Variants in CARM1 observed in about 807,000 individuals in gnomAD.
The protein encoded by CARM1 is coactivator associated arginine methyltransferase 1, also known as histone-arginine methyltransferase CARM1.
A neutral mutation model predicts 72.7 loss-of-function variants in CARM1; 14 were observed. The observed-to-expected ratio is 0.19, with a 90% CI of 0.13 to 0.30. The LOEUF (loss-of-function observed/expected upper bound fraction) is 0.30, where lower values mean the gene tolerates loss of function less well. Ranked by LOEUF, CARM1 falls within the 10% of genes least tolerant of loss-of-function variation. CARM1 has a pLI of 1.00. For missense variants in CARM1, 432 were observed against 833.7 expected, an observed-to-expected ratio of 0.52 and a Z score of 5.93; for synonymous variants, 333 against 345.5, an observed-to-expected ratio of 0.96 and a Z score of 0.40.
chr19:10,894,418 T>C (rs971336461), intron 1 of CARM1, among the ~76,000 whole-genome samples: 2 of 151,614 alleles, frequency 1.3e-5, no homozygotes, highest in Non-Finnish European at 2.9e-5. Context: ...GGGGTCGGGG[T>C]GTCTCCCTCT....
chr19:10,922,227 C>A lies in CARM1; in HGVS notation c.*470C>A, dbSNP rs1023572684. The A allele has an allele frequency of 6.5e-6, 1 of 152,908 alleles. No individual in the cohort carries two copies. Among genetic ancestry groups the A allele is most frequent in the Admixed American group, 6.5e-5 (1 of 15,282 alleles). 9.5% of individuals were successfully genotyped at this position (152,908 alleles called of 1,614,324 possible). ...TAATTTTATTTTTTTATGAAAAGAACCAGTGTCAATCCGCAGACCCTCTGT... is the reference window on the plus strand; with the variant it reads ...TAATTTTATTTTTTTATGAAAAGAAACAGTGTCAATCCGCAGACCCTCTGT... On this transcript the variant is annotated 3_prime_UTR_variant, in exon 16 of 16. Coordinates refer to ENST00000327064, the MANE Select transcript of CARM1 (RefSeq NM_199141.2).
chr19:10,897,125 C>T (rs961672442), intron 1 of CARM1, among the ~76,000 whole-genome samples: 2 of 152,314 alleles, frequency 1.3e-5, no homozygotes, highest in South Asian at 4.1e-4. Context: ...CTCTAGGAAG[C>T]GCAGAGACAT....
rs1339535965 is a variant in CARM1 at position 10,915,114 on chromosome 19, C to T, written c.847+1060C>T. Among the ~76,000 whole-genome samples the T allele has an allele frequency of 2.0e-5, 3 of 152,152 alleles. No homozygotes were observed. Among genetic ancestry groups the T allele is most frequent in the African/African-American group, 7.2e-5 (3 of 41,446 alleles). On this transcript the variant is annotated intron_variant, in intron 6 of 15. Coordinates refer to ENST00000327064, the MANE Select transcript of CARM1 (RefSeq NM_199141.2). The surrounding 1 kb of genome is among the most constrained non-coding windows in gnomAD (Gnocchi z 4.6). Reference sequence around the variant, plus strand: ...GAAGCTTCCACTCTCATCTCTGGCCCGCCCTGGATCCAGGCCCTAGGGTCC... The same window carrying T: ...GAAGCTTCCACTCTCATCTCTGGCCTGCCCTGGATCCAGGCCCTAGGGTCC...
At chr19:10,913,079 G>A (rs555330154) in intron 5 of CARM1, among the ~76,000 whole-genome samples, 27 of 152,136 alleles carry the variant, frequency 1.8e-4, no homozygotes, top group African/African-American at 6.0e-4. Context: ...AGCAGGGGAC[G>A]GCCCTGAGGC....
At chr19:10,893,783 G>C (rs746538765) in intron 1 of CARM1, among the ~76,000 whole-genome samples, 1 of 152,200 alleles carries the variant, frequency 6.6e-6, no homozygotes, top group Non-Finnish European at 1.5e-5. Flanking sequence ...CGGGCTGTCA[G>C]GCCCTCCACG....
At chr19:10,901,042 C>T (rs1465167267) in intron 1 of CARM1, among the ~76,000 whole-genome samples, 9 of 149,114 alleles carry the variant, frequency 6.0e-5, no homozygotes, top group Admixed American at 2.0e-4. Context: ...AGTGCAGTGG[C>T]GCTATCTCAG....
intron 1 of CARM1, among the ~76,000 whole-genome samples, chr19:10,898,993 C>T (rs1338629642): frequency 1.4e-5 from 2 of 144,708 alleles, no homozygotes; most frequent in Non-Finnish European, 1.5e-5. Flanking sequence ...CTCAGAGGCT[C>T]GGGAGTCTCC....
intron 1 of CARM1, among the ~76,000 whole-genome samples, chr19:10,880,564 G>A (rs996509791): frequency 2.0e-5 from 3 of 146,578 alleles, no homozygotes; most frequent in African/African-American, 7.6e-5. Flanking sequence ...ATGTTGCTCA[G>A]GCGGATGTGG....
rs184084488 is a variant in CARM1, at chr19:10,922,001, G to A, written c.*244G>A. On this transcript the variant is annotated 3_prime_UTR_variant, in exon 16 of 16. Transcript: ENST00000327064. The stretch of plus-strand genomic sequence containing the variant: ...ACAAAATCATGTTGTGGGAGCCCTC[G>A]TCCCCCCTCCTGCCCGCTCTACCCT... The A allele has an allele frequency of 1.5e-3, 661 of 427,866 alleles. 5 individuals carry two copies. The highest frequency in any genetic ancestry group is 0.014 in the East Asian group (330 of 23,230). 26.5% of individuals were successfully genotyped at this position (427,866 alleles called of 1,614,324 possible). A position where few individuals can be genotyped will look rare whatever the true frequency, so the allele number is the denominator to read the frequency against.
At position 10,915,527 on chromosome 19, in the gene CARM1, C is replaced by T. The variant is rs1366009508; in HGVS notation, c.848-880C>T. Among the ~76,000 whole-genome samples, 2 of 152,126 alleles carry T rather than the reference C, an allele frequency of 1.3e-5. No individual in the cohort carries two copies. Among genetic ancestry groups the T allele is most frequent in the African/African-American group, 4.8e-5 (2 of 41,428 alleles). On this transcript the variant is annotated intron_variant, in intron 6 of 15. Transcript: ENST00000327064. The surrounding 1 kb of genome is among the most constrained non-coding windows in gnomAD (Gnocchi z 4.6). ...GCAGGAGCCAGAGGTTCCTTCCAGG[C>T]TGGGTCACTTCCCATGGTGCCCCCA...
chr19:10,890,793 ATATTTTTTTT>A (rs1212151816), intron 1 of CARM1, among the ~76,000 whole-genome samples: 3 of 83,812 alleles, frequency 3.6e-5, no homozygotes, highest in Non-Finnish European at 6.2e-5. Context: ...ATATATATAT[ATATTTTTTTT>A]TTTTTTTTTT....
chr19:10,908,615 A>C (rs1380413398), intron 3 of CARM1: 1 of 190,296 alleles, frequency 5.3e-6, no homozygotes, highest in East Asian at 1.6e-4. Flanking sequence ...TATGCAACAG[A>C]GCCAAGATGG....
chr19:10,887,381 C>T (rs375154073), intron 1 of CARM1, among the ~76,000 whole-genome samples: 6 of 152,214 alleles, frequency 3.9e-5, no homozygotes, highest in South Asian at 2.1e-4. Context: ...CTGCCCCCTT[C>T]GCCTGTGCCA....
rs1295904689 is a variant in CARM1 at position 10,920,722 on chromosome 19, C to G, written c.1398C>G (p.Leu466=). ...VDQTGSKSSN[L]LDLKNPFFRY... is the part of the protein sequence containing the mutation. The stretch of plus-strand genomic sequence containing the variant: ...AGACCGGCTCCAAGTCCAGTAACCT[C>G]CTGGATCTGAAAAACCCCTTCTTTA... The change falls in exon 12 of 16, where the codon CTC becomes CTG. Residue 466 remains leucine (L), a synonymous_variant. Coordinates refer to ENST00000327064, the MANE Select transcript of CARM1 (RefSeq NM_199141.2). This position sits in a 1 kb window ranked among gnomAD's most constrained non-coding sequence, Gnocchi z 5.3. 2.5e-6 allele frequency: 4 copies of G among 1,614,052 alleles called. No individual in the cohort carries two copies. The highest frequency in any genetic ancestry group is 1.3e-5 in the African/African-American group (1 of 74,922).
chr19:10,919,244 C>G (rs535841641), intron 8 of CARM1: 185 of 229,760 alleles, frequency 8.1e-4, no homozygotes, highest in Non-Finnish European at 9.8e-4. Context: ...TCCGCATGGT[C>G]TTTGATGGGA....
At chr19:10,901,037 A>T (rs1357063829) in intron 1 of CARM1, among the ~76,000 whole-genome samples, 1 of 144,144 alleles carries the variant, frequency 6.9e-6, no homozygotes, top group Non-Finnish European at 1.5e-5. Context: ...GCTAAAGTGC[A>T]GTGGCGCTAT....
intron 1 of CARM1, among the ~76,000 whole-genome samples, chr19:10,894,747 T>A (rs1298055731): frequency 1.3e-5 from 2 of 151,166 alleles, no homozygotes; most frequent in African/African-American, 4.9e-5. Context: ...CTCTCTTTTT[T>A]TTTTTCTTCT....
chr19:10,875,582 G>A lies in CARM1; in HGVS notation c.220+3660G>A, dbSNP rs372059087. On this transcript the variant is annotated intron_variant, in intron 1 of 15. Coordinates refer to ENST00000327064, the MANE Select transcript of CARM1 (RefSeq NM_199141.2). ...TGGGACTACAGGCGCCCGCCACCAC[G>A]CCCGGCTAATTCTTTGTATTTTTAG... Among the ~76,000 whole-genome samples the A allele has an allele frequency of 7.2e-5, 11 of 151,914 alleles. No homozygotes were observed. In the East Asian group the frequency reaches 9.7e-4, roughly 13 times the overall value.
At position 10,907,903 on chromosome 19, in the gene CARM1, C is replaced by T. The variant is rs560402926; in HGVS notation, c.347-136C>T. The T allele has an allele frequency of 1.4e-4, 88 of 607,794 alleles. 1 individual carries two copies. The highest frequency in any genetic ancestry group is 1.4e-3 in the East Asian group (49 of 35,634). The allele number at this position is 607,794 out of a possible 1,614,324, so 37.7% of individuals were successfully genotyped here. ...TCTTTGAACTTTGAAAATTGTTTTT[C>T]GGGGAAGAGAAATCACCAGCCCTGT... On this transcript the variant is annotated intron_variant, in intron 2 of 15. Transcript: ENST00000327064.
Sources: gnomAD v4.1 joint callset for allele counts (sites outside exome capture counted in the v4.1 genomes callset) on GRCh38, gnomAD v4.1.1 for gene constraint, Gnocchi (gnomAD v3.1) non-coding constraint, MANE v1.5 for transcripts, NCBI Gene and HGNC (gene_info 2026-07-23, HGNC 2026-07-21) for gene names.